Variants in PHACTR4 observed in about 807,000 individuals in gnomAD.
The protein encoded by PHACTR4 is phosphatase and actin regulator 4.
PHACTR4 carries 51 observed loss-of-function variants against 72.7 expected under a neutral mutation model. The ratio of observed to expected loss-of-function variants is 0.70; its 90% confidence interval spans 0.56 to 0.89. The LOEUF is 0.89. Ranked by LOEUF, PHACTR4 falls within the 40% of genes least tolerant of loss-of-function variation. The probability of loss-of-function intolerance (pLI) is 0.00; values close to 1 mark genes in which losing one functional copy is unlikely to be tolerated. For missense variants in PHACTR4, 731 were observed against 861.8 expected, an observed-to-expected ratio of 0.85 and a Z score of 1.90; for synonymous variants, 255 against 302.5, an observed-to-expected ratio of 0.84 and a Z score of 1.63.
intron 1 of PHACTR4, among the ~76,000 whole-genome samples, chr1:28,370,347 T>G (rs1302571818): frequency 6.6e-6 from 1 of 152,032 alleles, no homozygotes; most frequent in African/African-American, 2.4e-5. Flanking sequence ...CTTTCAAACA[T>G]CAGCCTGGGC....
intron 2 of PHACTR4, among the ~76,000 whole-genome samples, chr1:28,419,898 C>A (rs1655402310): frequency 6.6e-6 from 1 of 152,106 alleles, no homozygotes; most frequent in Non-Finnish European, 1.5e-5. Context: ...CCCATACATA[C>A]CACGAATGTT....
intron 1 of PHACTR4, among the ~76,000 whole-genome samples, chr1:28,380,648 C>T (rs1236978125): frequency 1.3e-5 from 2 of 152,162 alleles, no homozygotes; most frequent in Admixed American, 6.6e-5. Context: ...TCCAGCTCCA[C>T]CCATGTTCCT....
At chr1:28,485,327 G>A (rs552721451) in intron 9 of PHACTR4, among the ~76,000 whole-genome samples, 2 of 152,306 alleles carry the variant, frequency 1.3e-5, no homozygotes, top group African/African-American at 2.4e-5. Flanking sequence ...GGTGGCTCAC[G>A]CCTGTAATCC....
intron 9 of PHACTR4, among the ~76,000 whole-genome samples, chr1:28,488,498 A>G (rs1046380040): frequency 1.3e-5 from 2 of 152,196 alleles, no homozygotes; most frequent in Admixed American, 6.5e-5. Context: ...CTCCATCTCA[A>G]AAATAACCTA....
chr1:28,407,478 C>T lies in PHACTR4; in HGVS notation c.16+15C>T, dbSNP rs1654434380. ...AGATCCATTTGGTGAGTATCACCTA[C>T]ATTGTTCTTAGTAAATGACATTTCT... On this transcript the variant is annotated intron_variant, in intron 2 of 13. Coordinates refer to ENST00000373839, the MANE Select transcript of PHACTR4 (RefSeq NM_001048183.3). The T allele has an allele frequency of 6.2e-7, 1 of 1,601,182 alleles. No homozygotes were observed. Among genetic ancestry groups the T allele is most frequent in the South Asian group, 1.1e-5 (1 of 90,332 alleles).
At chr1:28,382,542 ATC>A (rs1436000934) in intron 1 of PHACTR4, among the ~76,000 whole-genome samples, 7 of 151,986 alleles carry the variant, frequency 4.6e-5, no homozygotes, top group African/African-American at 1.7e-4. Flanking sequence ...TGACCTCGTG[ATC>A]CGCCCGCCTC....
chr1:28,370,355 G>A (rs1651138747), intron 1 of PHACTR4, among the ~76,000 whole-genome samples: 1 of 152,152 alleles, frequency 6.6e-6, no homozygotes, highest in African/African-American at 2.4e-5. Flanking sequence ...CATCAGCCTG[G>A]GCGGCTTCAG....
intron 13 of PHACTR4, among the ~76,000 whole-genome samples, 174 bp downstream of exon 13, chr1:28,493,265 C>A (rs945549177): frequency 6.6e-6 from 1 of 152,082 alleles, no homozygotes; most frequent in African/African-American, 2.4e-5. Context: ...AGGCCAGGTG[C>A]GGTGGCTCAC....
rs368062083 is a variant in PHACTR4 at position 28,496,557 on chromosome 1, G to T, written c.*8G>T. On this transcript the variant is annotated 3_prime_UTR_variant, in exon 14 of 14. Transcript: ENST00000373839. ...AGCTACCATCGTCCATGATGCCAAA[G>T]GTTGAGAGAGGAATCAACATGGCTG... 1.4e-5 allele frequency: 22 copies of T among 1,613,776 alleles called. No individual in the cohort carries two copies. Among genetic ancestry groups the T allele is most frequent in the Non-Finnish European group, 1.6e-5 (19 of 1,179,908 alleles).
chr1:28,471,335 G>A (rs190003154), intron 6 of PHACTR4, among the ~76,000 whole-genome samples: 38 of 152,190 alleles, frequency 2.5e-4, no homozygotes, highest in African/African-American at 9.2e-4. Flanking sequence ...GGCAACGAGT[G>A]AAACTCCATC....
At chr1:28,494,044 A>G (rs909627887) in intron 13 of PHACTR4, among the ~76,000 whole-genome samples, 1 of 152,164 alleles carries the variant, frequency 6.6e-6, no homozygotes, top group Non-Finnish European at 1.5e-5. Flanking sequence ...GTATCTTTAC[A>G]TGATTCTTAG....
intron 6 of PHACTR4, among the ~76,000 whole-genome samples, chr1:28,471,934 G>A (rs1483862021): frequency 1.3e-5 from 2 of 152,012 alleles, no homozygotes; most frequent in African/African-American, 4.8e-5. Flanking sequence ...ACAGTAGGCC[G>A]GGCGCGGTGG....
intron 1 of PHACTR4, among the ~76,000 whole-genome samples, chr1:28,405,412 C>T (rs1252762289): frequency 1.3e-5 from 2 of 151,826 alleles, no homozygotes; most frequent in African/African-American, 2.4e-5. Context: ...CTGCAACCTC[C>T]GACTCCCAGG....
intron 1 of PHACTR4, among the ~76,000 whole-genome samples, chr1:28,400,470 A>T (rs1164107484): frequency 2.0e-5 from 3 of 152,208 alleles, no homozygotes; most frequent in African/African-American, 7.2e-5. Flanking sequence ...GAGGCCAAAA[A>T]AAAGAGAAGC....
chr1:28,450,432 G>A (rs1454731101), intron 2 of PHACTR4, among the ~76,000 whole-genome samples: 1 of 151,988 alleles, frequency 6.6e-6, no homozygotes, highest in African/African-American at 2.4e-5. Flanking sequence ...ATTAGAGGGA[G>A]CATTTTATAA....
At chr1:28,475,995 T>A (rs1659892730) in intron 7 of PHACTR4, 112 bp from the exon 8 acceptor site, 4 of 1,022,816 alleles carry the variant, frequency 3.9e-6, no homozygotes, top group African/African-American at 1.7e-5. Context: ...CCCAAAGTGC[T>A]GGGATTACAG....
chr1:28,442,079 TATGTGTCATATTA>T (rs1253667289), intron 2 of PHACTR4, among the ~76,000 whole-genome samples: 1 of 152,244 alleles, frequency 6.6e-6, no homozygotes, highest in East Asian at 1.9e-4. Flanking sequence ...AATTCTTTAC[TATGTGTCATATTA>T]AAACAACTAG....
intron 1 of PHACTR4, among the ~76,000 whole-genome samples, chr1:28,379,612 T>C (rs1651976913): frequency 7.0e-6 from 1 of 143,156 alleles, no homozygotes. Context: ...TTTTTTGAGA[T>C]GGGGTCTCGC....
chr1:28,374,645 A>G (rs913780974), intron 1 of PHACTR4, among the ~76,000 whole-genome samples: 1 of 152,052 alleles, frequency 6.6e-6, no homozygotes, highest in African/African-American at 2.4e-5. Flanking sequence ...CATTTCCAAA[A>G]CCATCTGTTC....
Sources: allele counts gnomAD v4.1 joint callset (sites outside exome capture counted in the v4.1 genomes callset), GRCh38; gene constraint gnomAD v4.1.1; transcripts MANE v1.5; gene names NCBI Gene and HGNC (gene_info 2026-07-23, HGNC 2026-07-21).